The following CARNMT1 variants were observed in gnomAD, a reference collection of about 807,000 sequenced individuals.
CARNMT1 encodes the protein protein-L-histidine N-pros-methyltransferase CARNMT1.
Under a neutral mutation model 49.6 loss-of-function variants are expected in CARNMT1, and 28 were observed. The ratio of observed to expected loss-of-function variants is 0.56; its 90% CI spans 0.42 to 0.77. The LOEUF is 0.77. CARNMT1 is among the 30% of genes least tolerant of loss of function. The probability of loss-of-function intolerance (pLI) is 0.00; values close to 1 mark genes in which losing one functional copy is unlikely to be tolerated. For missense variants in CARNMT1, 421 were observed against 512.6 expected (o/e 0.82, Z 1.73); for synonymous variants, 178 against 175.0 (o/e 1.02, Z -0.13).
At chr9:75,007,081 T>A (rs1833532656) in intron 3 of CARNMT1, among the ~76,000 whole-genome samples, 1 of 152,338 alleles carries the variant, frequency 6.6e-6, no homozygotes, top group African/African-American at 2.4e-5. Flanking sequence ...AAAAGCCTTA[T>A]CAATTAAAAC....
rs1587277560 is a variant in CARNMT1, at chr9:75,005,524, G to T, written c.591-5654C>A. ...GAGTCTCGCTGTCACCCAGGCTGGA[G>T]TGCAGTGGCGCAATCTCGGCTCACT... On this transcript the variant is annotated intron_variant, in intron 3 of 7. Transcript: ENST00000376834. Among the ~76,000 whole-genome samples, 4 of 148,308 alleles carry T rather than the reference G, an allele frequency of 2.7e-5. No individual in the cohort carries two copies. In the East Asian group the frequency reaches 6.0e-4, roughly 22 times the overall value.
In CARNMT1 at chr9:74,983,423, A is replaced by G. The variant is rs1013677132; in HGVS notation, c.*344T>C. The stretch of plus-strand genomic sequence containing the variant: ...GAAGATTATTATGTACTTCAATACT[A>G]TTAGTCATTAATTCGGCAGACTTGC... On this transcript the variant is annotated 3_prime_UTR_variant, in exon 8 of 8. Transcript: ENST00000376834. 1 of 173,174 alleles carries G rather than the reference A, an allele frequency of 5.8e-6. No individual in the cohort carries two copies. The highest frequency in any genetic ancestry group is 1.2e-5 in the Non-Finnish European group (1 of 81,982). 10.7% of individuals were successfully genotyped at this position (173,174 alleles called of 1,614,324 possible). A position where few individuals can be genotyped will look rare whatever the true frequency, so the allele number is the denominator to read the frequency against.
At chr9:75,012,475 C>T (rs956527506) in intron 3 of CARNMT1, among the ~76,000 whole-genome samples, 27 of 151,828 alleles carry the variant, frequency 1.8e-4, no homozygotes, top group African/African-American at 4.3e-4. Flanking sequence ...TTAGTAGAGA[C>T]GGGGTTTCGC....
At chr9:74,991,061 T>C (rs969389761) in intron 6 of CARNMT1, 1 of 152,008 alleles carries the variant, frequency 6.6e-6, no homozygotes, top group Non-Finnish European at 1.5e-5. Flanking sequence ...AATAAGCTCA[T>C]ATAGTGATAT....
chr9:75,007,103 T>C (rs17060738), intron 3 of CARNMT1, among the ~76,000 whole-genome samples: 4,002 of 152,304 alleles, frequency 0.026, 234 homozygotes, highest in East Asian at 0.13. Context: ...TACAGATATT[T>C]TGAATTTTGA....
intron 3 of CARNMT1, among the ~76,000 whole-genome samples, chr9:75,006,544 AAC>A (rs1349381748): frequency 6.6e-6 from 1 of 152,210 alleles, no homozygotes; most frequent in African/African-American, 2.4e-5. Context: ...TGTAACAAAA[AAC>A]AGTGTAATAG....
At chr9:75,017,028 T>A in intron 2 of CARNMT1, 2 of 477,996 alleles carry the variant, frequency 4.2e-6, no homozygotes, top group Non-Finnish European at 7.3e-6. Flanking sequence ...TCAAAATGCA[T>A]CAAAATCTCA....
At chr9:74,997,461 C>CT (rs1833220376) in intron 5 of CARNMT1, among the ~76,000 whole-genome samples, 1 of 152,158 alleles carries the variant, frequency 6.6e-6, no homozygotes, top group African/African-American at 2.4e-5. Context: ...CAAGTCCTTG[C>CT]TATGGCCTGC....
At chr9:74,998,890 TAA>T (rs1197372046) in intron 4 of CARNMT1, 114 bp from the exon 5 acceptor site, 1 of 591,984 alleles carries the variant, frequency 1.7e-6, no homozygotes, top group Admixed American at 3.8e-5. Context: ...AATTAATATT[TAA>T]AGAGTCACTA....
chr9:75,027,951 G>A, intron 1 of CARNMT1, 61 bp downstream of exon 1: 1 of 1,483,716 alleles, frequency 6.7e-7, no homozygotes. Context: ...GTTCCGGCGG[G>A]TCCGCCGCCA....
intron 1 of CARNMT1, among the ~76,000 whole-genome samples, chr9:75,021,798 C>CCCA (rs1257583137): frequency 6.6e-6 from 1 of 151,868 alleles, no homozygotes; most frequent in Non-Finnish European, 1.5e-5. Context: ...ATGAGCCAGG[C>CCCA]GTGGTGGTGC....
chr9:74,983,747 G>T lies in CARNMT1; in HGVS notation c.*20C>A. On this transcript the variant is annotated 3_prime_UTR_variant, in exon 8 of 8. Coordinates refer to ENST00000376834, the MANE Select transcript of CARNMT1 (RefSeq NM_152420.3). The stretch of plus-strand genomic sequence containing the variant: ...TTTGTTCTTACTAAACTTTTTTCCA[G>T]GTGGTATCACTTGAGACCATTATTG... The T allele has an allele frequency of 7.0e-7, 1 of 1,437,566 alleles. No homozygotes were observed. The highest frequency in any genetic ancestry group is 9.5e-7 in the Non-Finnish European group (1 of 1,047,682). The allele number at this position is 1,437,566 out of a possible 1,614,324, so 89.1% of individuals were successfully genotyped here.
chr9:74,983,039 T>C lies in CARNMT1; in HGVS notation c.*728A>G, dbSNP rs1364516807. ...AGAAATGTTTGATGCTTCTTTAAGT[T>C]CATCTGAGCCAGAAAATACAAAATT... On this transcript the variant is annotated 3_prime_UTR_variant, in exon 8 of 8. Transcript: ENST00000376834. 1 of 152,160 alleles carries C rather than the reference T, an allele frequency of 6.6e-6. No individual in the cohort carries two copies. The highest frequency in any genetic ancestry group is 1.9e-4 in the East Asian group (1 of 5,198). The allele number at this position is 152,160 out of a possible 1,614,324, so 9.4% of individuals were successfully genotyped here.
chr9:75,017,496 G>C, intron 1 of CARNMT1, 48 bp from the exon 2 acceptor site: 2 of 1,502,608 alleles, frequency 1.3e-6, no homozygotes, highest in South Asian at 2.4e-5. Context: ...ATTCTCACCA[G>C]AGGCCAATCT....
At chr9:75,003,458 G>T (rs1233739436) in intron 3 of CARNMT1, among the ~76,000 whole-genome samples, 1 of 152,208 alleles carries the variant, frequency 6.6e-6, no homozygotes, top group Non-Finnish European at 1.5e-5. Flanking sequence ...ATTGTTTATG[G>T]CTGCATTCCT....
chr9:74,983,911 G>T, intron 7 of CARNMT1, 43 bp from the exon 8 acceptor site: 1 of 1,379,644 alleles, frequency 7.2e-7, no homozygotes, highest in South Asian at 1.4e-5. Flanking sequence ...CAGTCATCAT[G>T]ACCACACCAC....
At chr9:75,014,020 TAAAA>T (rs56029312) in intron 3 of CARNMT1, among the ~76,000 whole-genome samples, 7 of 67,380 alleles carry the variant, frequency 1.0e-4, no homozygotes, top group Non-Finnish European at 1.6e-4. Flanking sequence ...TCCACTTACT[TAAAA>T]AAAAAAAAAA....
At chr9:75,020,744 G>A (rs980382276) in intron 1 of CARNMT1, among the ~76,000 whole-genome samples, 3 of 152,118 alleles carry the variant, frequency 2.0e-5, no homozygotes, top group East Asian at 1.9e-4. Context: ...GGCTGGTCGC[G>A]TTTTTACAAG....
chr9:74,998,835 T>A lies in CARNMT1; in HGVS notation c.732-59A>T, dbSNP rs116168526. 2.0e-3 allele frequency: 2,073 copies of A among 1,029,108 alleles called. 37 individuals are homozygous for A. In the African/African-American group the frequency reaches 0.03, roughly 15 times the overall value. The allele number at this position is 1,029,108 out of a possible 1,614,324, so 63.7% of individuals were successfully genotyped here. ...TAAATATTTTACCAAGAAAATCCACTTTAAATACTAAAAATATACTGTTTA... is the reference window on the plus strand; with the variant it reads ...TAAATATTTTACCAAGAAAATCCACATTAAATACTAAAAATATACTGTTTA... On this transcript the variant is annotated intron_variant, in intron 4 of 7. Transcript: ENST00000376834.
Sources: allele counts gnomAD v4.1 joint callset (sites outside exome capture counted in the v4.1 genomes callset), GRCh38; gene constraint gnomAD v4.1.1; transcripts MANE v1.5; gene names NCBI Gene and HGNC (gene_info 2026-07-23, HGNC 2026-07-21).